Variants in OSBP2 observed in about 807,000 individuals in gnomAD.
OSBP2 encodes oxysterol binding protein 2.
Under a neutral mutation model 96.0 loss-of-function variants are expected in OSBP2, and 66 were observed. The ratio of observed to expected loss-of-function variants is 0.69; its 90% CI spans 0.56 to 0.84. The LOEUF is 0.84. Ranked by LOEUF, OSBP2 falls within the 40% of genes least tolerant of loss-of-function variation. OSBP2 has a pLI of 0.00. For missense variants in OSBP2, 1,038 were observed against 1,222.7 expected, an observed-to-expected ratio of 0.85 and a Z score of 2.25; for synonymous variants, 525 against 520.9, an observed-to-expected ratio of 1.01 and a Z score of -0.11.
At chr22:30,883,121 G>C (rs1236575935) in intron 3 of OSBP2, among the ~76,000 whole-genome samples, 1 of 152,248 alleles carries the variant, frequency 6.6e-6, no homozygotes, top group Non-Finnish European at 1.5e-5. Flanking sequence ...TGATGGTGCA[G>C]GGATGAGGGA....
intron 2 of OSBP2, among the ~76,000 whole-genome samples, chr22:30,856,373 CTTTTTTTTTT>C (rs56875088): frequency 2.0e-4 from 20 of 101,430 alleles, no homozygotes; most frequent in African/African-American, 4.7e-4. Flanking sequence ...CAGAGCCCTT[CTTTTTTTTTT>C]TTTTTTTTTT....
At chr22:30,787,245 T>C (rs1289249473) in intron 2 of OSBP2, among the ~76,000 whole-genome samples, 1 of 152,136 alleles carries the variant, frequency 6.6e-6, no homozygotes, top group Non-Finnish European at 1.5e-5. Flanking sequence ...ACAGGAAACT[T>C]ACAGTCATGG....
chr22:30,783,173 G>T (rs1481443214), intron 2 of OSBP2, among the ~76,000 whole-genome samples: 1 of 150,066 alleles, frequency 6.7e-6, no homozygotes, highest in Non-Finnish European at 1.5e-5. Flanking sequence ...CTATTCATTG[G>T]TATCTCGGGG....
chr22:30,761,099 A>G (rs1449287899), intron 2 of OSBP2, among the ~76,000 whole-genome samples: 1 of 152,186 alleles, frequency 6.6e-6, no homozygotes, highest in African/African-American at 2.4e-5. Flanking sequence ...TATTCATCCT[A>G]ATACTAGCCA....
rs575572384 is a variant in OSBP2 at position 30,881,570 on chromosome 22, G to C, written c.1108-5856G>C. On this transcript the variant is annotated intron_variant, in intron 3 of 13. Transcript: ENST00000332585. This position sits in a 1 kb window ranked among gnomAD's most constrained non-coding sequence, Gnocchi z 4.5. ...GAAATGAGACCACGTTCAGGCCTGG[G>C]CTGGGTCAGCCAGGCCCTCCCTGGG... 6.2e-6 allele frequency: 6 copies of C among 966,180 alleles called. No homozygotes were observed. Among genetic ancestry groups the C allele is most frequent in the Non-Finnish European group, 8.4e-6 (6 of 710,912 alleles). 59.9% of individuals were successfully genotyped at this position (966,180 alleles called of 1,614,324 possible). A position where few individuals can be genotyped will look rare whatever the true frequency, so the allele number is the denominator to read the frequency against.
chr22:30,787,404 G>A (rs115955181), intron 2 of OSBP2, among the ~76,000 whole-genome samples: 2,333 of 152,146 alleles, frequency 0.015, 55 homozygotes, highest in African/African-American at 0.051. Context: ...CGGATGCGGT[G>A]GCTCACGACT....
chr22:30,749,072 T>C (rs1356687064), intron 2 of OSBP2, among the ~76,000 whole-genome samples: 3 of 152,170 alleles, frequency 2.0e-5, no homozygotes, highest in African/African-American at 7.2e-5. Flanking sequence ...GCCGAGATTG[T>C]GTCACTGCAC....
At chr22:30,819,672 G>A (rs1027642881) in intron 2 of OSBP2, among the ~76,000 whole-genome samples, 2 of 152,138 alleles carry the variant, frequency 1.3e-5, no homozygotes, top group Non-Finnish European at 2.9e-5. Flanking sequence ...ATAGAAAAGA[G>A]AAATAGTGTG....
intron 2 of OSBP2, among the ~76,000 whole-genome samples, chr22:30,863,962 GT>G (rs66516841): frequency 0.31 from 45,727 of 148,000 alleles, 7,572 homozygotes; most frequent in South Asian, 0.48. Flanking sequence ...AAGCCATCAT[GT>G]TTTTTTTTTG....
chr22:30,726,435 A>G (rs945051019), intron 1 of OSBP2, among the ~76,000 whole-genome samples: 2 of 152,044 alleles, frequency 1.3e-5, no homozygotes, highest in Non-Finnish European at 2.9e-5. Flanking sequence ...AACAGTGAGA[A>G]CACATGGACA....
intron 2 of OSBP2, among the ~76,000 whole-genome samples, chr22:30,818,004 T>C (rs1430298671): frequency 2.0e-5 from 3 of 152,076 alleles, no homozygotes; most frequent in African/African-American, 7.2e-5. Context: ...CAAGCAATCC[T>C]CCCACCTCAG....
chr22:30,746,643 C>T (rs778657848), intron 2 of OSBP2, among the ~76,000 whole-genome samples: 1 of 152,070 alleles, frequency 6.6e-6, no homozygotes, highest in South Asian at 2.1e-4. Context: ...GCACCTACCA[C>T]CACACCCGGC....
rs2089005193 is a variant in OSBP2, at chr22:30,695,217, G to C, written c.308G>C (p.Gly103Ala). 3.1e-6 allele frequency: 5 copies of C among 1,613,224 alleles called. No individual in the cohort carries two copies. In the South Asian group the frequency reaches 3.3e-5, roughly 11 times the overall value. Residue 103 changes from glycine (G) to alanine (A), a missense_variant, in exon 1 of 14, where the codon GGG (glycine) becomes GCG (alanine). Transcript: ENST00000332585. The part of the protein sequence containing the change: ...GAGQPSELLQ[G>A]SRPGSESSSG... Reference sequence around the variant, plus strand: ...GGGCAGCCATCGGAACTGCTGCAGGGGTCGCGGCCGGGGTCAGAGTCAAGC... The same window carrying C: ...GGGCAGCCATCGGAACTGCTGCAGGCGTCGCGGCCGGGGTCAGAGTCAAGC...
At chr22:30,735,408 CTCTTTTT>C (rs900821532) in intron 1 of OSBP2, among the ~76,000 whole-genome samples, 2 of 135,382 alleles carry the variant, frequency 1.5e-5, no homozygotes, top group African/African-American at 2.9e-5. Flanking sequence ...TCTCTTCTCT[CTCTTTTT>C]TTTTTTTTTT....
At chr22:30,754,835 A>G (rs1186289850) in intron 2 of OSBP2, among the ~76,000 whole-genome samples, 2 of 152,094 alleles carry the variant, frequency 1.3e-5, no homozygotes, top group Non-Finnish European at 2.9e-5. Context: ...AGCTTTGGTC[A>G]TTGCCTCTTG....
In OSBP2 at chr22:30,905,843, C is replaced by G. The variant is rs1370245887; in HGVS notation, c.2382C>G (p.Asn794Lys). 1 of 1,612,978 alleles carries G rather than the reference C, an allele frequency of 6.2e-7. No individual in the cohort carries two copies. The highest frequency in any genetic ancestry group is 8.5e-7 in the Non-Finnish European group (1 of 1,179,580). ...LLWKKYPLPE[N>K]AENMYYFSEL... is the part of the protein sequence containing the mutation. ...GCCACCACCACCGCCACAGGGAGAA[C>G]GCGGAGAACATGTACTACTTCTCAG... is the stretch of plus-strand genomic sequence containing the variant. Residue 794 changes from asparagine to lysine, a missense_variant, in exon 13 of 14, where the codon AAC becomes AAG. By Grantham distance (94) the Asn-to-Lys change is moderately conservative. This residue lies in a region of OSBP2 where 737 missense variants were observed against 913.3 expected (regional missense o/e 0.81). Coordinates refer to ENST00000332585, the MANE Select transcript of OSBP2 (RefSeq NM_030758.4).
At chr22:30,875,892 G>A (rs572822677) in intron 3 of OSBP2, among the ~76,000 whole-genome samples, 17 of 152,358 alleles carry the variant, frequency 1.1e-4, no homozygotes, top group Admixed American at 2.6e-4. Context: ...GCAGGGACTC[G>A]CAGGGAACAG....
At position 30,730,760 on chromosome 22, in the gene OSBP2, CTCT is replaced by C. The variant is rs1475755141; in HGVS notation, c.645-10400_645-10398del. 7.9e-4 allele frequency among the ~76,000 whole-genome samples: 33 copies of C among 41,984 alleles called. 1 individual carries two copies. Among genetic ancestry groups the C allele is most frequent in the South Asian group, 1.4e-3 (1 of 708 alleles). The allele number at this position is 41,984 out of a possible 152,430, so 27.5% of individuals were successfully genotyped here. On this transcript the variant is annotated intron_variant, in intron 1 of 13. Transcript: ENST00000332585. ...TCTCTCTCTCTCTCTCTCTCTCTCT[CTCT>C]CTCTCTCTCTCTATATATATATATA...
upstream of OSBP2, chr22:30,693,907 G>A (rs1176277045): frequency 1.5e-5 from 10 of 666,378 alleles, no homozygotes; most frequent in Non-Finnish European, 1.5e-5. Context: ...GGAGGCTGCA[G>A]TGAACCAAGA....
Sources: gnomAD v4.1 joint callset for allele counts (sites outside exome capture counted in the v4.1 genomes callset) on GRCh38, gnomAD v4.1.1 for gene constraint, gnomAD v4.1.1 regional missense constraint, Gnocchi (gnomAD v3.1) non-coding constraint, MANE v1.5 for transcripts, NCBI Gene and HGNC (gene_info 2026-07-23, HGNC 2026-07-21) for gene names.